Variants in ITGBL1 observed in about 807,000 individuals in gnomAD.
ITGBL1 encodes integrin beta-like protein 1.
ITGBL1 carries 51 observed loss-of-function variants against 68.5 expected under a neutral mutation model. That is an observed-to-expected ratio of 0.74 (90% CI 0.59 to 0.94). The LOEUF (loss-of-function observed/expected upper bound fraction) is 0.94. Ranked by LOEUF, ITGBL1 falls within the 40% of genes least tolerant of loss-of-function variation. The pLI is 0.00. For synonymous variants in ITGBL1, 209 were observed against 227.3 expected, an observed-to-expected ratio of 0.92 and a Z score of 0.72; for missense variants, 649 against 647.4, an observed-to-expected ratio of 1.00 and a Z score of -0.03.
chr13:101,462,847 T>C (rs928395692), intron 2 of ITGBL1, among the ~76,000 whole-genome samples: 9 of 152,226 alleles, frequency 5.9e-5, no homozygotes, highest in African/African-American at 2.2e-4. Context: ...CCTCCCAAAG[T>C]GCTGCGATTA....
intron 2 of ITGBL1, among the ~76,000 whole-genome samples, chr13:101,548,732 C>T (rs1266902595): frequency 6.6e-6 from 1 of 151,534 alleles, no homozygotes; most frequent in Non-Finnish European, 1.5e-5. Context: ...AACAAAATAT[C>T]TGAAACAAAA....
At chr13:101,666,334 TC>T (rs760738247) in intron 7 of ITGBL1, among the ~76,000 whole-genome samples, 1 of 152,120 alleles carries the variant, frequency 6.6e-6, no homozygotes, top group Non-Finnish European at 1.5e-5. Context: ...TTTAGTGAGT[TC>T]TTTTGACTTG....
chr13:101,717,164 A>C (rs2034756506), downstream of ITGBL1: 2 of 152,150 alleles, frequency 1.3e-5, no homozygotes, highest in Non-Finnish European at 2.9e-5. Flanking sequence ...AAACTTTATA[A>C]GTCAAATTTC....
chr13:101,480,392 G>A (rs2032491068), intron 2 of ITGBL1, among the ~76,000 whole-genome samples: 1 of 151,908 alleles, frequency 6.6e-6, no homozygotes, highest in Non-Finnish European at 1.5e-5. Context: ...TAGATACAGT[G>A]TATAAGATCT....
intron 9 of ITGBL1, chr13:101,713,354 A>G (rs1000188118): frequency 3.9e-5 from 6 of 152,154 alleles, no homozygotes; most frequent in South Asian, 2.1e-4. Flanking sequence ...CCCCTTTTCA[A>G]TATATTTTGA....
chr13:101,573,655 A>C (rs1303600200), intron 3 of ITGBL1, among the ~76,000 whole-genome samples: 1 of 152,172 alleles, frequency 6.6e-6, no homozygotes, highest in East Asian at 1.9e-4. Context: ...TATGAAGCAG[A>C]GATTATTTGC....
intron 7 of ITGBL1, among the ~76,000 whole-genome samples, chr13:101,615,162 G>A (rs1179190053): frequency 6.6e-6 from 1 of 151,964 alleles, no homozygotes; most frequent in East Asian, 1.9e-4. Flanking sequence ...TCCCTGCTCT[G>A]CCTCTCTCTT....
intron 2 of ITGBL1, among the ~76,000 whole-genome samples, chr13:101,553,932 A>C (rs1002035015): frequency 1.3e-5 from 2 of 150,188 alleles, no homozygotes; most frequent in African/African-American, 2.5e-5. Context: ...GCACCACCAC[A>C]CTCAGCTAAT....
rs991638025 is a variant in ITGBL1, at chr13:101,489,483, A to G, written c.316+35383A>G. Among the ~76,000 whole-genome samples, 5 of 152,198 alleles carry G rather than the reference A, an allele frequency of 3.3e-5. No individual in the cohort carries two copies. The South Asian group carries it at 1.0e-3, about 31-fold the overall frequency. ...TTCCTCGTCTATTAATACATGGCAT[A>G]TAGGAGGGGCTCAATATAATTTAGT... On this transcript the variant is annotated intron_variant, in intron 2 of 10. Transcript: ENST00000376180.
At chr13:101,595,977 G>C (rs955968350) in intron 6 of ITGBL1, among the ~76,000 whole-genome samples, 5 of 151,978 alleles carry the variant, frequency 3.3e-5, no homozygotes, top group Admixed American at 6.6e-5. Context: ...GAAAATGTGA[G>C]ATATATATCT....
At chr13:101,489,822 A>G in intron 2 of ITGBL1, 1 of 599,000 alleles carries the variant, frequency 1.7e-6, no homozygotes, top group Non-Finnish European at 3.0e-6. Context: ...GATACTGATC[A>G]AACTGATAAA....
chr13:101,519,188 G>A (rs2049243801), intron 2 of ITGBL1, among the ~76,000 whole-genome samples: 3 of 152,090 alleles, frequency 2.0e-5, no homozygotes, highest in Admixed American at 2.0e-4. Flanking sequence ...GTGAGAGACA[G>A]TACCCGGGCC....
At chr13:101,687,360 G>T (rs958864604) in intron 7 of ITGBL1, among the ~76,000 whole-genome samples, 1 of 152,038 alleles carries the variant, frequency 6.6e-6, no homozygotes, top group African/African-American at 2.4e-5. Context: ...GGTGAAAATA[G>T]ACACTTTATC....
chr13:101,717,887 T>C (rs2034786344), downstream of ITGBL1: 1 of 152,124 alleles, frequency 6.6e-6, no homozygotes, highest in Non-Finnish European at 1.5e-5. Context: ...TATGTTATTA[T>C]CCTTTTTATT....
At position 101,692,666 on chromosome 13, in the gene ITGBL1, G is replaced by A. The variant is rs765315193; in HGVS notation, c.1097G>A (p.Arg366His). ...GGCAAGACTTGTGAGTGTGATGATC[G>A]CCGCTGTGAAGACCTCGATGGTGTG... ...VYGKTCECDD[R>H]RCEDLDGVVC... The change falls in exon 8 of 11, where the codon CGC becomes CAC. Residue 366 changes from arginine to histidine, a missense_variant. Arg to His is a conservative substitution (Grantham distance 29). Transcript: ENST00000376180. 7.4e-6 allele frequency: 12 copies of A among 1,613,438 alleles called. No homozygotes were observed. The highest frequency in any genetic ancestry group is 1.1e-5 in the South Asian group (1 of 91,080).
intron 7 of ITGBL1, among the ~76,000 whole-genome samples, chr13:101,608,676 G>C (rs935286146): frequency 6.6e-6 from 1 of 152,008 alleles, no homozygotes; most frequent in Non-Finnish European, 1.5e-5. Context: ...GTAGTACTTT[G>C]AGAAAGCAAG....
chr13:101,694,781 T>G (rs1342290353), intron 8 of ITGBL1, among the ~76,000 whole-genome samples: 1 of 152,212 alleles, frequency 6.6e-6, no homozygotes, highest in Non-Finnish European at 1.5e-5. Flanking sequence ...TCTCAGTCTC[T>G]TCCACTTTCA....
intron 4 of ITGBL1, among the ~76,000 whole-genome samples, chr13:101,577,490 C>T (rs1006715119): frequency 2.0e-5 from 3 of 152,038 alleles, no homozygotes; most frequent in African/African-American, 7.2e-5. Context: ...TTTTTGCTTC[C>T]TTATTTACCT....
At chr13:101,716,547 T>C (rs1243180709), downstream of ITGBL1, 1 of 152,176 alleles carries the variant, frequency 6.6e-6, no homozygotes, top group Non-Finnish European at 1.5e-5. Context: ...TTTTTAAAAC[T>C]GGGCAGGGGT....
Sources: allele counts gnomAD v4.1 joint callset (sites outside exome capture counted in the v4.1 genomes callset), GRCh38; gene constraint gnomAD v4.1.1; transcripts MANE v1.5; gene names NCBI Gene and HGNC (gene_info 2026-07-23, HGNC 2026-07-21).